The following PHB2 variants were observed in gnomAD, a reference collection of about 807,000 sequenced individuals.
The protein encoded by PHB2 is prohibitin-2.
A neutral mutation model predicts 46.4 loss-of-function variants in PHB2; 22 were observed. The ratio of observed to expected loss-of-function variants is 0.47; its 90% CI spans 0.34 to 0.68. The LOEUF is 0.68. PHB2 is among the 30% of genes least tolerant of loss of function. The probability of loss-of-function intolerance (pLI) is 0.01; values close to 1 mark genes in which losing one functional copy is unlikely to be tolerated. For missense variants in PHB2, 305 were observed against 382.8 expected (o/e 0.80, Z 1.70); for synonymous variants, 156 against 150.5 (o/e 1.04, Z -0.27).
upstream of PHB2, chr12:6,970,678 A>C: frequency 8.9e-7 from 1 of 1,126,210 alleles, no homozygotes; most frequent in Non-Finnish European, 1.2e-6. Context: ...GGGCAGCGGA[A>C]GTGCGCTCCC....
In PHB2 at chr12:6,966,507, G is replaced by A. The variant is rs782050025; in HGVS notation, c.790-7C>T. ...GATTCTGTGATGTGGCGATCTACAG[G>A]GCAGGAAATAAGACAGATGCTTGCA... is the stretch of plus-strand genomic sequence containing the variant. On this transcript the variant is annotated splice_region_variant and splice_polypyrimidine_tract_variant and intron_variant, in intron 7 of 9. Coordinates refer to ENST00000535923, the MANE Select transcript of PHB2 (RefSeq NM_001144831.2). 2 of 1,588,304 alleles carry A rather than the reference G, an allele frequency of 1.3e-6. No individual in the cohort carries two copies. Among genetic ancestry groups the A allele is most frequent in the South Asian group, 2.2e-5 (2 of 90,552 alleles).
In PHB2 at chr12:6,965,487, GGGA is replaced by G. The variant is rs1161433103; in HGVS notation, c.*195_*197del. 15 of 629,454 alleles carry G rather than the reference GGGA, an allele frequency of 2.4e-5. No individual in the cohort carries two copies. Among genetic ancestry groups the G allele is most frequent in the Admixed American group, 1.5e-4 (6 of 40,606 alleles). 39.0% of individuals were successfully genotyped at this position (629,454 alleles called of 1,614,324 possible). A position where few individuals can be genotyped will look rare whatever the true frequency, so the allele number is the denominator to read the frequency against. ...GTCCCCAACAGCCCCAGTTAACACA[GGGA>G]GGAGGAAAGTAATTCCCCAGAAAAG... On this transcript the variant is annotated 3_prime_UTR_variant, in exon 10 of 10. Transcript: ENST00000535923.
At position 6,968,002 on chromosome 12, in the gene PHB2, C is replaced by G; in HGVS notation, c.497G>C (p.Arg166Pro). 2 of 1,607,776 alleles carry G rather than the reference C, an allele frequency of 1.2e-6. No homozygotes were observed. Among genetic ancestry groups the G allele is most frequent in the Non-Finnish European group, 1.7e-6 (2 of 1,175,426 alleles). ...QRAQVSLLIRRELTERAKDFS... is the reference protein window; with the variant it reads ...QRAQVSLLIRPELTERAKDFS... ...GTCCTTGGCCCTCTCTGTCAGCTCCCGGCGGATCAACAGGGATACCTGAGG... is the reference window on the plus strand; with the variant it reads ...GTCCTTGGCCCTCTCTGTCAGCTCCGGGCGGATCAACAGGGATACCTGAGG... The change falls in exon 5 of 10, where the codon CGG (arginine) becomes CCG (proline). Residue 166 changes from arginine to proline, a missense_variant. Arg to Pro is a moderately radical substitution (Grantham distance 103). This residue lies in a region of PHB2 where 241 missense variants were observed against 302.7 expected (regional missense o/e 0.80). Coordinates refer to ENST00000535923, the MANE Select transcript of PHB2 (RefSeq NM_001144831.2).
Position 6,965,914 on chromosome 12 carries a change from C to G in PHB2, c.869G>C (p.Gly290Ala). 6.3e-7 allele frequency: 1 copy of G among 1,598,850 alleles called. No homozygotes were observed. Reference sequence around the variant, plus strand: ...CACAGAAGCAACAACAGCTTACCTTCCCCTGTGGTGCCAGATCGCCAGATG... The same window carrying G: ...CACAGAAGCAACAACAGCTTACCTTGCCCTGTGGTGCCAGATCGCCAGATG... ...LNLQDESFTRGSDSLIKGKK is the reference protein window; with the variant it reads ...LNLQDESFTRASDSLIKGKK The change falls in exon 9 of 10, where the codon GGA becomes GCA. Residue 290 changes from glycine to alanine, a missense_variant and splice_region_variant. Coordinates refer to ENST00000535923, the MANE Select transcript of PHB2 (RefSeq NM_001144831.2).
Position 6,967,149 on chromosome 12 carries a change from G to A in PHB2, c.789+22C>T. 6.5e-7 allele frequency: 1 copy of A among 1,545,812 alleles called. No homozygotes were observed. Among genetic ancestry groups the A allele is most frequent in the Non-Finnish European group, 8.8e-7 (1 of 1,140,086 alleles). ...ACTTTCTCAAGGCAGCCCCATCAGA[G>A]ACGCTGGGCTGACACACTCACCGTC... On this transcript the variant is annotated intron_variant, in intron 7 of 9. Transcript: ENST00000535923. The surrounding 1 kb of genome is among the most constrained non-coding windows in gnomAD (Gnocchi z 4.9).
Position 6,967,985 on chromosome 12 carries a change from C to A in PHB2, c.514G>T (p.Ala172Ser), listed in dbSNP as rs782786778. Residue 172 changes from alanine to serine, a missense_variant, in exon 5 of 10, where the codon GCC becomes TCC. Coordinates refer to ENST00000535923, the MANE Select transcript of PHB2 (RefSeq NM_001144831.2). The surrounding 1 kb of genome is among the most constrained non-coding windows in gnomAD (Gnocchi z 4.9). ...TCCAGGATGAGGCTGAAGTCCTTGG[C>A]CCTCTCTGTCAGCTCCCGGCGGATC... is the stretch of plus-strand genomic sequence containing the variant. ...LLIRRELTERAKDFSLILDDV... is the reference protein window; with the variant it reads ...LLIRRELTERSKDFSLILDDV... The A allele has an allele frequency of 1.9e-5, 30 of 1,611,430 alleles. No individual in the cohort carries two copies. Among genetic ancestry groups the A allele is most frequent in the Non-Finnish European group, 2.0e-5 (24 of 1,178,020 alleles).
chr12:6,969,597 G>A lies in PHB2; in HGVS notation c.213-20C>T. The A allele has an allele frequency of 2.7e-6, 4 of 1,475,436 alleles. No homozygotes were observed. Among genetic ancestry groups the A allele is most frequent in the Non-Finnish European group, 3.8e-6 (4 of 1,060,030 alleles). The allele number at this position is 1,475,436 out of a possible 1,614,324, so 91.4% of individuals were successfully genotyped here. ...GGGATCCTGGAGAGGACAGGGATAG[G>A]TATTAAGAGGCCACAGTTTCGGCCG... On this transcript the variant is annotated intron_variant, in intron 2 of 9. Transcript: ENST00000535923.
rs1331232988 is a variant in PHB2, at chr12:6,968,297, G to A, written c.477+114C>T. On this transcript the variant is annotated intron_variant, in intron 4 of 9. Transcript: ENST00000535923. ...GTGGCAATTAGCACAGCTTTTAGGT[G>A]GAAATGGCACTAGGGTGACAATGCT... 5 of 797,718 alleles carry A rather than the reference G, an allele frequency of 6.3e-6. No homozygotes were observed. In the Admixed American group the frequency reaches 1.2e-4, roughly 19 times the overall value. 49.4% of individuals were successfully genotyped at this position (797,718 alleles called of 1,614,324 possible). A position where few individuals can be genotyped will look rare whatever the true frequency, so the allele number is the denominator to read the frequency against.
At position 6,969,964 on chromosome 12, in the gene PHB2, T is replaced by G. The variant is rs368012574; in HGVS notation, c.212+232A>C. ...GCCCGGTTTCCCCTCACCACGCGTTTTTTGGCCTGCTCCTCTCCACGACCA... is the reference window on the plus strand; with the variant it reads ...GCCCGGTTTCCCCTCACCACGCGTTGTTTGGCCTGCTCCTCTCCACGACCA... On this transcript the variant is annotated intron_variant, in intron 2 of 9. Transcript: ENST00000535923. 6.6e-5 allele frequency: 46 copies of G among 695,168 alleles called. 2 individuals are homozygous for G. The highest frequency in any genetic ancestry group is 2.2e-4 in the East Asian group (8 of 36,718). The allele number at this position is 695,168 out of a possible 1,614,324, so 43.1% of individuals were successfully genotyped here. A position where few individuals can be genotyped will look rare whatever the true frequency, so the allele number is the denominator to read the frequency against.
At chr12:6,968,052 G>A (rs782623339) in intron 4 of PHB2, 31 bp from the exon 5 acceptor site, 16 of 1,570,014 alleles carry the variant, frequency 1.0e-5, no homozygotes, top group Middle Eastern at 1.7e-4. Flanking sequence ...GGGAAGGGAG[G>A]GGTGGTTTGA....
chr12:6,967,546 C>T lies in PHB2; in HGVS notation c.711+130G>A, dbSNP rs377657902. On this transcript the variant is annotated intron_variant, in intron 6 of 9. Coordinates refer to ENST00000535923, the MANE Select transcript of PHB2 (RefSeq NM_001144831.2). This position sits in a 1 kb window ranked among gnomAD's most constrained non-coding sequence, Gnocchi z 4.9. ...CAGATCTCATCTGTAGTCCCCACCCCCAACAAGGAGCCAAGGGCCAGAGAG... is the reference window on the plus strand; with the variant it reads ...CAGATCTCATCTGTAGTCCCCACCCTCAACAAGGAGCCAAGGGCCAGAGAG... 5.3e-6 allele frequency: 5 copies of T among 940,292 alleles called. No homozygotes were observed. Among genetic ancestry groups the T allele is most frequent in the Middle Eastern group, 2.1e-4 (1 of 4,812 alleles). 58.2% of individuals were successfully genotyped at this position (940,292 alleles called of 1,614,324 possible).
chr12:6,969,452 C>A, intron 3 of PHB2, 46 bp downstream of exon 3: 1 of 1,093,128 alleles, frequency 9.1e-7, no homozygotes, highest in South Asian at 1.4e-5. Flanking sequence ...TGCCAGCTAC[C>A]TTGATCATCC....
In PHB2 at chr12:6,965,982, T is replaced by C. The variant is rs1555150731; in HGVS notation, c.867-66A>G. The C allele has an allele frequency of 1.9e-6, 3 of 1,546,046 alleles. No homozygotes were observed. In the African/African-American group the frequency reaches 4.1e-5, roughly 21 times the overall value. ...AGAAATGCACATGTTAATTGACAGCTTCAGGCCCCACTCAGCTTTGAACCC... is the reference window on the plus strand; with the variant it reads ...AGAAATGCACATGTTAATTGACAGCCTCAGGCCCCACTCAGCTTTGAACCC... On this transcript the variant is annotated intron_variant, in intron 8 of 9. Transcript: ENST00000535923.
At chr12:6,970,325 G>C in intron 1 of PHB2, 45 bp from the exon 2 acceptor site, 1 of 1,606,904 alleles carries the variant, frequency 6.2e-7, no homozygotes, top group Non-Finnish European at 8.5e-7. Context: ...CTGCTCAGAG[G>C]AAATGCTAGG....
chr12:6,966,371 G>T, intron 8 of PHB2, 53 bp downstream of exon 8: 1 of 1,117,600 alleles, frequency 8.9e-7, no homozygotes, highest in Non-Finnish European at 1.4e-6. Flanking sequence ...CAAACAACCA[G>T]ACTCAGGTCC....
intron 3 of PHB2, 118 bp downstream of exon 3, chr12:6,969,380 G>T: frequency 1.8e-6 from 1 of 554,578 alleles, no homozygotes. Flanking sequence ...TTTTGTTACA[G>T]CTCTTGCAGA....
chr12:6,970,451 G>A lies in PHB2; in HGVS notation c.93C>T (p.Ala31=). 1 of 1,604,522 alleles carries A rather than the reference G, an allele frequency of 6.2e-7. No individual in the cohort carries two copies. Among genetic ancestry groups the A allele is most frequent in the African/African-American group, 1.3e-5 (1 of 75,018 alleles). ...TALKLLLGAG[A]VAYGVRESVF... ...CAGATTCGCGCACACCGTAGGCCACGGCGCCGGCCCCCAGCAACAGCTTCA... is the reference window on the plus strand; with the variant it reads ...CAGATTCGCGCACACCGTAGGCCACAGCGCCGGCCCCCAGCAACAGCTTCA... Residue 31 remains alanine (A), a synonymous_variant, in exon 1 of 10, where the codon GCC becomes GCT. Coordinates refer to ENST00000535923, the MANE Select transcript of PHB2 (RefSeq NM_001144831.2).
At chr12:6,969,044 A>G (rs1591702470) in intron 3 of PHB2, among the ~76,000 whole-genome samples, 1 of 152,120 alleles carries the variant, frequency 6.6e-6, no homozygotes, top group East Asian at 1.9e-4. Flanking sequence ...CAGGGTGTAT[A>G]TGTGTGCGTG....
rs1555151066 is a variant in PHB2 at position 6,967,603 on chromosome 12, C to A, written c.711+73G>T. ...GTCGCATTCGCCTTAGTCTCATCAG[C>A]CTGCCCATGAAGGAGAATGGGGAAC... is the stretch of plus-strand genomic sequence containing the variant. On this transcript the variant is annotated intron_variant, in intron 6 of 9. Transcript: ENST00000535923. This position sits in a 1 kb window ranked among gnomAD's most constrained non-coding sequence, Gnocchi z 4.9. The A allele has an allele frequency of 4.8e-6, 6 of 1,239,540 alleles. No homozygotes were observed. Among genetic ancestry groups the A allele is most frequent in the Non-Finnish European group, 7.1e-6 (6 of 841,206 alleles). The allele number at this position is 1,239,540 out of a possible 1,614,324, so 76.8% of individuals were successfully genotyped here.
Sources: allele counts gnomAD v4.1 joint callset (sites outside exome capture counted in the v4.1 genomes callset), GRCh38; gene constraint gnomAD v4.1.1; regional missense constraint gnomAD v4.1.1; non-coding constraint Gnocchi (gnomAD v3.1); transcripts MANE v1.5; gene names NCBI Gene and HGNC (gene_info 2026-07-23, HGNC 2026-07-21).